USP12: variants seen among roughly 807,000 people sequenced by gnomAD.
The protein encoded by USP12 is ubiquitin specific peptidase 12.
Under a neutral mutation model 45.5 loss-of-function variants are expected in USP12, and 19 were observed. The observed-to-expected ratio is 0.42, with a 90% CI of 0.29 to 0.61. The LOEUF (loss-of-function observed/expected upper bound fraction) is 0.61, where lower values mean the gene tolerates loss of function less well. Among genes scored for constraint, USP12 ranks in the 20% least tolerant of loss-of-function variants. The pLI, the probability that USP12 is intolerant of heterozygous loss-of-function variation, is 0.22. For missense variants in USP12, 242 were observed against 447.7 expected (o/e 0.54, Z 4.15); for synonymous variants, 149 against 148.8 (o/e 1.00, Z -0.01).
chr13:27,134,359 A>T (rs1876686117), intron 1 of USP12, among the ~76,000 whole-genome samples: 1 of 152,216 alleles, frequency 6.6e-6, no homozygotes, highest in Admixed American at 6.5e-5. Context: ...ATTCTCTATT[A>T]TATTCTGAAA....
At chr13:27,131,001 GTGT>G (rs1247648249) in intron 1 of USP12, among the ~76,000 whole-genome samples, 1 of 152,238 alleles carries the variant, frequency 6.6e-6, no homozygotes, top group Non-Finnish European at 1.5e-5. Flanking sequence ...GGAAGGAATA[GTGT>G]TGTGCAGCTA....
chr13:27,131,049 T>G (rs751891071), intron 1 of USP12, among the ~76,000 whole-genome samples: 22 of 152,226 alleles, frequency 1.4e-4, no homozygotes, highest in Admixed American at 7.9e-4. Flanking sequence ...ACTCAAAGTT[T>G]ATGTGTGGCA....
chr13:27,158,242 G>A (rs1226096517), intron 1 of USP12, among the ~76,000 whole-genome samples: 1 of 152,162 alleles, frequency 6.6e-6, no homozygotes, highest in Non-Finnish European at 1.5e-5. Context: ...GAGACACAGG[G>A]AGAATGCCAT....
chr13:27,112,149 A>G (rs1875479003), intron 2 of USP12, among the ~76,000 whole-genome samples: 1 of 152,180 alleles, frequency 6.6e-6, no homozygotes, highest in South Asian at 2.1e-4. Flanking sequence ...GGAAATTACT[A>G]AACTGTTGTT....
intron 1 of USP12, chr13:27,170,421 G>A (rs566844519): frequency 1.0e-5 from 4 of 398,114 alleles, no homozygotes; most frequent in Middle Eastern, 6.2e-4. Flanking sequence ...TAGGGCCAGT[G>A]AGGCATGAAA....
chr13:27,145,370 A>C (rs1037144823), intron 1 of USP12, among the ~76,000 whole-genome samples: 2 of 152,206 alleles, frequency 1.3e-5, no homozygotes, highest in Non-Finnish European at 2.9e-5. Context: ...AAGAAATTAA[A>C]CATTGTTTCC....
intron 1 of USP12, among the ~76,000 whole-genome samples, chr13:27,148,193 C>A (rs764853221): frequency 6.6e-6 from 1 of 151,656 alleles, no homozygotes; most frequent in South Asian, 2.1e-4. Flanking sequence ...AACAGACATA[C>A]CTTACAAGAA....
chr13:27,162,608 A>C (rs530984625), intron 1 of USP12, among the ~76,000 whole-genome samples: 15 of 152,334 alleles, frequency 9.8e-5, no homozygotes, highest in Admixed American at 9.8e-4. Flanking sequence ...CTCAAAAAAA[A>C]TCTATTGTTA....
At chr13:27,140,028 A>G (rs1876986452) in intron 1 of USP12, among the ~76,000 whole-genome samples, 1 of 152,346 alleles carries the variant, frequency 6.6e-6, no homozygotes, top group South Asian at 2.1e-4. Flanking sequence ...TACCTGCAAA[A>G]TACATTTCTA....
chr13:27,136,474 G>A (rs1372329781), intron 1 of USP12, among the ~76,000 whole-genome samples: 1 of 152,080 alleles, frequency 6.6e-6, no homozygotes, highest in Non-Finnish European at 1.5e-5. Context: ...CTCCAGTCTG[G>A]GCAACAAGAA....
intron 1 of USP12, among the ~76,000 whole-genome samples, chr13:27,133,290 C>T (rs1447357714): frequency 6.6e-6 from 1 of 152,182 alleles, no homozygotes; most frequent in African/African-American, 2.4e-5. Context: ...AATGGGTGTG[C>T]ACATGCTTAG....
At position 27,171,700 on chromosome 13, in the gene USP12, C is replaced by T. The variant is rs1332924576; in HGVS notation, c.-61G>A. ...GGCGGCGGGCGGGGGAGGAGGGGAG[C>T]CGGGCCGCCCGCTCGCACCGCAGCC... On this transcript the variant is annotated 5_prime_UTR_variant, in exon 1 of 9. Coordinates refer to ENST00000282344, the MANE Select transcript of USP12 (RefSeq NM_182488.4). The T allele has an allele frequency of 9.2e-7, 1 of 1,092,158 alleles. No homozygotes were observed. The highest frequency in any genetic ancestry group is 1.2e-6 in the Non-Finnish European group (1 of 862,910). The allele number at this position is 1,092,158 out of a possible 1,614,324, so 67.7% of individuals were successfully genotyped here.
intron 3 of USP12, among the ~76,000 whole-genome samples, chr13:27,099,478 A>G (rs1408525161): frequency 2.0e-5 from 3 of 152,030 alleles, no homozygotes; most frequent in African/African-American, 7.2e-5. Flanking sequence ...AAACCCTTTC[A>G]ATTTTTAAAG....
In USP12 at chr13:27,069,309, T is replaced by C; in HGVS notation, c.1087A>G (p.Ile363Val). 6.2e-7 allele frequency: 1 copy of C among 1,612,154 alleles called. No homozygotes were observed. Among genetic ancestry groups the C allele is most frequent in the Non-Finnish European group, 8.5e-7 (1 of 1,179,738 alleles). The change falls in exon 9 of 9, where the codon ATC becomes GTC. Residue 363 changes from isoleucine (I) to valine (V), a missense_variant. Coordinates refer to ENST00000282344, the MANE Select transcript of USP12 (RefSeq NM_182488.4). The stretch of plus-strand genomic sequence containing the variant: ...CAGTCCCGAGACTGATAGAAAAGGA[T>C]GTAACCAGACTCAGAGTTCTTTGAG... The part of the protein sequence containing the change: ...DISKNSESGY[I>V]LFYQSRD
intron 3 of USP12, among the ~76,000 whole-genome samples, chr13:27,104,567 T>C (rs747406585): frequency 6.6e-6 from 1 of 152,208 alleles, no homozygotes; most frequent in Non-Finnish European, 1.5e-5. Flanking sequence ...TTAGCTTTCA[T>C]TAGGGGAAAC....
chr13:27,075,472 A>G (rs935594697), intron 6 of USP12, 84 bp from the exon 7 acceptor site: 2 of 1,244,544 alleles, frequency 1.6e-6, no homozygotes, highest in African/African-American at 3.0e-5. Flanking sequence ...ATATCCAATG[A>G]ACAGATAGAC....
At chr13:27,124,353 T>C (rs1876129320) in intron 1 of USP12, among the ~76,000 whole-genome samples, 1 of 152,218 alleles carries the variant, frequency 6.6e-6, no homozygotes, top group Admixed American at 6.5e-5. Context: ...AAAAGTTATA[T>C]TCAGTATATA....
intron 6 of USP12, among the ~76,000 whole-genome samples, chr13:27,088,416 CAAA>C (rs11323861): frequency 0.023 from 2,107 of 93,552 alleles, 16 homozygotes; most frequent in Middle Eastern, 0.038. Flanking sequence ...GACTCCGTCT[CAAA>C]AAAAAAAAAA....
At position 27,092,127 on chromosome 13, in the gene USP12, C is replaced by T. The variant is rs868659363; in HGVS notation, c.574-1969G>A. 9.9e-5 allele frequency among the ~76,000 whole-genome samples: 15 copies of T among 152,170 alleles called. No homozygotes were observed. The Middle Eastern group carries it at 0.01, about 104-fold the overall frequency. On this transcript the variant is annotated intron_variant, in intron 4 of 8. Coordinates refer to ENST00000282344, the MANE Select transcript of USP12 (RefSeq NM_182488.4). Reference sequence around the variant, plus strand: ...TGGCATAGTTGGTGCTTAGCACCCCCCAAAATGAATACTTAAATATAAATC... The same window carrying T: ...TGGCATAGTTGGTGCTTAGCACCCCTCAAAATGAATACTTAAATATAAATC...
Sources: gnomAD v4.1 joint callset for allele counts (sites outside exome capture counted in the v4.1 genomes callset) on GRCh38, gnomAD v4.1.1 for gene constraint, MANE v1.5 for transcripts, NCBI Gene and HGNC (gene_info 2026-07-23, HGNC 2026-07-21) for gene names.